Variants in NUP210L observed in about 807,000 individuals in gnomAD.
The protein encoded by NUP210L is nuclear pore membrane glycoprotein 210-like.
In NUP210L, 74 loss-of-function variants were observed where a neutral mutation model predicts 208.5. The observed-to-expected ratio is 0.35, with a 90% CI of 0.29 to 0.43. The LOEUF (loss-of-function observed/expected upper bound fraction) is 0.43. Among genes scored for constraint, NUP210L ranks in the 20% least tolerant of loss-of-function variants. The pLI, the probability that NUP210L is intolerant of heterozygous loss-of-function variation, is 1.00. For synonymous variants in NUP210L, 780 were observed against 816.9 expected (o/e 0.95, Z 0.77); for missense variants, 1,843 against 2,289.4 (o/e 0.81, Z 3.98).
Position 154,140,512 on chromosome 1 carries a change from CA to C in NUP210L, c.567-561del, listed in dbSNP as rs1240164659. Among the ~76,000 whole-genome samples the C allele has an allele frequency of 2.7e-5, 4 of 150,470 alleles. No homozygotes were observed. The East Asian group carries it at 7.8e-4, about 29-fold the overall frequency. ...CGAAACCCCATCTCCACTAAAAATA[CA>C]AAAATTAGCTGGGCGTGGTGGCAGG... On this transcript the variant is annotated intron_variant, in intron 4 of 39. Coordinates refer to ENST00000368559, the Ensembl canonical transcript of NUP210L.
chr1:154,073,581 A>G (rs984119899), intron 16 of NUP210L, among the ~76,000 whole-genome samples: 12 of 151,936 alleles, frequency 7.9e-5, no homozygotes, highest in African/African-American at 2.7e-4. Flanking sequence ...TTGGGATGCC[A>G]AGGCGAGCAG....
chr1:154,024,396 T>C (rs1022010394), intron 30 of NUP210L, among the ~76,000 whole-genome samples: 4 of 152,150 alleles, frequency 2.6e-5, no homozygotes, highest in Non-Finnish European at 4.4e-5. Context: ...TTGTGGTAGT[T>C]AAAAGAGATA....
At chr1:154,026,145 G>T (rs1336748794) in intron 29 of NUP210L, among the ~76,000 whole-genome samples, 1 of 151,930 alleles carries the variant, frequency 6.6e-6, no homozygotes, top group Non-Finnish European at 1.5e-5. Flanking sequence ...TGAGGCAGGA[G>T]AATGGCTTGA....
intron 20 of NUP210L, among the ~76,000 whole-genome samples, chr1:154,060,004 C>T (rs1447093568): frequency 6.6e-6 from 1 of 152,144 alleles, no homozygotes; most frequent in East Asian, 1.9e-4. Context: ...GCAATCCTAG[C>T]ACTTTGGGCA....
chr1:154,048,468 G>A (rs1653307418), intron 25 of NUP210L, among the ~76,000 whole-genome samples: 1 of 152,226 alleles, frequency 6.6e-6, no homozygotes, highest in Non-Finnish European at 1.5e-5. Flanking sequence ...TATGAGCCAG[G>A]TGTATGCCCG....
chr1:154,018,893 G>C (rs1651406842), intron 33 of NUP210L, 40 bp downstream of exon 33: 1 of 1,604,358 alleles, frequency 6.2e-7, no homozygotes, highest in East Asian at 2.2e-5. Context: ...TGTGGCAATA[G>C]TCACCCTAGT....
intron 2 of NUP210L, among the ~76,000 whole-genome samples, chr1:154,148,092 C>A (rs559993596): frequency 1.3e-5 from 2 of 150,836 alleles, no homozygotes; most frequent in South Asian, 4.2e-4. Flanking sequence ...CATGGCGAAA[C>A]CCTGTCTCTA....
intron 22 of NUP210L, 55 bp downstream of exon 22, chr1:154,058,034 G>A: frequency 6.3e-7 from 1 of 1,593,450 alleles, no homozygotes; most frequent in Non-Finnish European, 8.6e-7. Context: ...AGGTCACTAG[G>A]AGGGAGAGTC....
exon 36 of NUP210L, chr1:154,001,881 C>G: frequency 6.2e-7 from 1 of 1,614,190 alleles, no homozygotes; most frequent in Non-Finnish European, 8.5e-7. Flanking sequence ...TTGCTACGTT[C>G]ACTGACCAGT....
At chr1:154,044,402 T>C (rs1255434923) in intron 27 of NUP210L, among the ~76,000 whole-genome samples, 4 of 141,326 alleles carry the variant, frequency 2.8e-5, no homozygotes, top group Non-Finnish European at 6.2e-5. Context: ...AGGGAAACTC[T>C]GTCTCAAAAA....
chr1:154,012,329 G>C, exon 34 of NUP210L: 1 of 1,613,662 alleles, frequency 6.2e-7, no homozygotes, highest in Non-Finnish European at 8.5e-7. Flanking sequence ...AAGTCTTGAG[G>C]TCATAACTGA....
At chr1:154,055,316 C>A (rs550346760) in intron 23 of NUP210L, among the ~76,000 whole-genome samples, 16 of 151,230 alleles carry the variant, frequency 1.1e-4, no homozygotes, top group African/African-American at 2.4e-5. Context: ...AGTGGCGAGA[C>A]CTCAGCTCAC....
intron 15 of NUP210L, among the ~76,000 whole-genome samples, chr1:154,091,042 T>G (rs1655876643): frequency 6.7e-6 from 1 of 149,154 alleles, no homozygotes; most frequent in Non-Finnish European, 1.5e-5. Context: ...ATAGCTGTAT[T>G]TGTTGACAGC....
At chr1:154,026,317 A>G (rs1399344344) in intron 29 of NUP210L, among the ~76,000 whole-genome samples, 2 of 152,230 alleles carry the variant, frequency 1.3e-5, no homozygotes, top group Admixed American at 6.5e-5. Flanking sequence ...TAGCAGCACT[A>G]TTCACAATAG....
At chr1:154,100,807 C>T (rs1039844214) in intron 13 of NUP210L, among the ~76,000 whole-genome samples, 3 of 151,418 alleles carry the variant, frequency 2.0e-5, no homozygotes, top group East Asian at 2.0e-4. Flanking sequence ...CATGAGCCAC[C>T]GCACCCAGCC....
At chr1:154,141,343 C>T in intron 4 of NUP210L, 88 bp downstream of exon 4, 1 of 813,372 alleles carries the variant, frequency 1.2e-6, no homozygotes, top group East Asian at 2.4e-5. Flanking sequence ...TCATCAAAGT[C>T]CACACAAATG....
intron 15 of NUP210L, among the ~76,000 whole-genome samples, chr1:154,092,995 G>A (rs528276051): frequency 4.6e-5 from 7 of 152,152 alleles, no homozygotes; most frequent in Admixed American, 1.3e-4. Context: ...AAAGTGCTGG[G>A]ATTACAGGCG....
intron 16 of NUP210L, among the ~76,000 whole-genome samples, chr1:154,086,176 C>T (rs1459720224): frequency 6.7e-6 from 1 of 149,166 alleles, no homozygotes; most frequent in Non-Finnish European, 1.5e-5. Context: ...CACACCACTG[C>T]ACTCCAGCCT....
intron 27 of NUP210L, among the ~76,000 whole-genome samples, chr1:154,039,587 C>T (rs1418474454): frequency 6.6e-6 from 1 of 152,180 alleles, no homozygotes; most frequent in Non-Finnish European, 1.5e-5. Flanking sequence ...ATATACTATT[C>T]TAGAATAAAA....
Sources: allele counts gnomAD v4.1 joint callset (sites outside exome capture counted in the v4.1 genomes callset), GRCh38; gene constraint gnomAD v4.1.1; transcripts MANE v1.5; gene names NCBI Gene and HGNC (gene_info 2026-07-23, HGNC 2026-07-21).